Variants in AFF2 observed in about 807,000 individuals in gnomAD.
The protein encoded by AFF2 is ALF transcription elongation factor 2.
A neutral mutation model predicts 76.9 loss-of-function variants in AFF2; 14 were observed. The observed-to-expected ratio is 0.18, with a 90% CI of 0.12 to 0.28. AFF2 has a LOEUF of 0.28. Among genes scored for constraint, AFF2 ranks in the 10% least tolerant of loss-of-function variants. The pLI, the probability that AFF2 is intolerant of heterozygous loss-of-function variation, is 1.00. For missense variants in AFF2, 868 were observed against 1,001.1 expected (o/e 0.87, Z 1.79); for synonymous variants, 398 against 366.7 (o/e 1.09, Z -0.98).
chrX:148,689,426 C>A (rs2054629356), intron 3 of AFF2, among the ~76,000 whole-genome samples: 1 of 110,878 alleles, frequency 9.0e-6, no homozygotes, highest in South Asian at 3.9e-4. Flanking sequence ...GAAGGCCTGT[C>A]TTACGAGATA....
At chrX:148,719,774 C>A (rs1177850390) in intron 3 of AFF2, among the ~76,000 whole-genome samples, 1 of 111,666 alleles carries the variant, frequency 9.0e-6, no homozygotes, top group Non-Finnish European at 1.9e-5. Flanking sequence ...GAATTAGCTT[C>A]TTTATTATCA....
In AFF2 at chrX:148,666,155, AT is replaced by A. The variant is rs1171340467; in HGVS notation, c.1041+3393del. 2.7e-5 allele frequency among the ~76,000 whole-genome samples: 3 copies of A among 112,224 alleles called. No homozygotes were observed. The Admixed American group carries it at 2.8e-4, about 11-fold the overall frequency. On this transcript the variant is annotated intron_variant, in intron 3 of 20. Transcript: ENST00000370460. ...TTGAGTATATAGTGGGGAAATTTTT[AT>A]TTTTTATCCTTGAATCATTTCCATG...
intron 3 of AFF2, among the ~76,000 whole-genome samples, chrX:148,768,042 T>C (rs1287462596): frequency 9.3e-6 from 1 of 107,638 alleles, no homozygotes; most frequent in African/African-American, 3.4e-5. Context: ...TTATGCCTCC[T>C]CCATGCTGTC....
chrX:148,580,869 CTTT>C (rs781946817), intron 1 of AFF2, among the ~76,000 whole-genome samples: 30 of 107,075 alleles, frequency 2.8e-4, no homozygotes, highest in Non-Finnish European at 5.0e-4. Context: ...TCTTAAAAAA[CTTT>C]TTATTTTGAC....
At chrX:148,583,244 G>T (rs782278716) in intron 1 of AFF2, among the ~76,000 whole-genome samples, 20 of 111,763 alleles carry the variant, frequency 1.8e-4, no homozygotes, top group Admixed American at 1.1e-3. Context: ...ATAGTAAATT[G>T]TATGGTATGT....
intron 1 of AFF2, among the ~76,000 whole-genome samples, chrX:148,646,985 T>C (rs1297948557): frequency 1.8e-5 from 2 of 112,411 alleles, no homozygotes; most frequent in Admixed American, 1.9e-4. Flanking sequence ...AGATTTTCTT[T>C]TCTTAACAAA....
chrX:148,596,099 G>A lies in AFF2; in HGVS notation c.48-55900G>A, dbSNP rs997276023. 2.7e-5 allele frequency among the ~76,000 whole-genome samples: 3 copies of A among 111,249 alleles called. No individual in the cohort carries two copies. In the South Asian group the frequency reaches 1.1e-3, roughly 42 times the overall value. ...TCCCTAACATCTACTGTGCTCTTTG[G>A]CAAATACAACAATGAAAACTGCCTT... On this transcript the variant is annotated intron_variant, in intron 1 of 20. Transcript: ENST00000370460.
At chrX:148,962,602 T>C in intron 12 of AFF2, 113 bp from the exon 13 acceptor site, 1 of 573,673 alleles carries the variant, frequency 1.7e-6, no homozygotes, top group South Asian at 3.0e-5. Context: ...TCACCATAGG[T>C]AGAGGGACAG....
chrX:148,556,142 G>C (rs113066865), intron 1 of AFF2, among the ~76,000 whole-genome samples: 8 of 112,247 alleles, frequency 7.1e-5, no homozygotes, highest in African/African-American at 2.6e-4. Context: ...CAAGGCATTA[G>C]ATGCCGCTAA....
chrX:148,719,060 C>T, intron 3 of AFF2: 1 of 1,058,234 alleles, frequency 9.4e-7, no homozygotes, highest in Non-Finnish European at 1.2e-6. Context: ...GATTCCACAA[C>T]AGTTTTGGGG....
intron 1 of AFF2, among the ~76,000 whole-genome samples, chrX:148,587,363 T>C (rs1206515003): frequency 7.1e-5 from 8 of 112,241 alleles, no homozygotes; most frequent in African/African-American, 2.6e-4. Flanking sequence ...ATATTACTCA[T>C]GATGAAAAAG....
chrX:148,956,903 C>T lies in AFF2; in HGVS notation c.2568+290C>T, dbSNP rs782435440. 5.8e-4 allele frequency among the ~76,000 whole-genome samples: 66 copies of T among 112,920 alleles called. 1 individual carries two copies. The highest frequency in any genetic ancestry group is 2.0e-3 in the African/African-American group (63 of 31,095). ...CTTACTTAGGCAAGGCACGCAAGTGCCCTCAATGTCCAAATGCATCTTCTA... is the reference window on the plus strand; with the variant it reads ...CTTACTTAGGCAAGGCACGCAAGTGTCCTCAATGTCCAAATGCATCTTCTA... On this transcript the variant is annotated intron_variant, in intron 11 of 20. Transcript: ENST00000370460.
intron 3 of AFF2, among the ~76,000 whole-genome samples, chrX:148,725,704 C>T (rs782369439): frequency 7.1e-4 from 80 of 112,092 alleles, no homozygotes; most frequent in Non-Finnish European, 1.2e-3. Flanking sequence ...TTTGTCGAGA[C>T]ATCTGTGATC....
intron 8 of AFF2, among the ~76,000 whole-genome samples, chrX:148,897,601 G>T (rs1449590354): frequency 9.2e-6 from 1 of 108,802 alleles, no homozygotes; most frequent in African/African-American, 3.3e-5. Context: ...AGTATTTCCT[G>T]CCAATTAGGT....
chrX:148,801,346 A>T (rs781960062), intron 3 of AFF2, among the ~76,000 whole-genome samples: 7 of 111,660 alleles, frequency 6.3e-5, no homozygotes, highest in Non-Finnish European at 1.1e-4. Flanking sequence ...CAAGTCTATG[A>T]TCCATGTTTC....
At chrX:148,733,777 T>A (rs2124556143) in intron 3 of AFF2, among the ~76,000 whole-genome samples, 1 of 111,533 alleles carries the variant, frequency 9.0e-6, no homozygotes, top group Non-Finnish European at 1.9e-5. Context: ...TTTCAGAAAG[T>A]CCCACCAAGC....
intron 3 of AFF2, among the ~76,000 whole-genome samples, chrX:148,778,980 A>G (rs1362956432): frequency 9.0e-6 from 1 of 111,079 alleles, no homozygotes; most frequent in Non-Finnish European, 1.9e-5. Context: ...GTGGGCATTT[A>G]GTGCTATAAA....
chrX:148,589,441 G>T (rs782731506), intron 1 of AFF2, among the ~76,000 whole-genome samples: 1 of 112,407 alleles, frequency 8.9e-6, no homozygotes, highest in South Asian at 3.7e-4. Flanking sequence ...GGAAAACACT[G>T]CAGTGCCTGC....
chrX:148,806,998 G>C (rs1160142636), intron 3 of AFF2, among the ~76,000 whole-genome samples: 13 of 112,283 alleles, frequency 1.2e-4, no homozygotes, highest in Non-Finnish European at 1.9e-4. Flanking sequence ...AACTTCATGA[G>C]AATGCTGGAT....
Sources: gnomAD v4.1 joint callset for allele counts (sites outside exome capture counted in the v4.1 genomes callset) on GRCh38, gnomAD v4.1.1 for gene constraint, MANE v1.5 for transcripts, NCBI Gene and HGNC (gene_info 2026-07-23, HGNC 2026-07-21) for gene names.